ERBB4: variants seen among roughly 807,000 people sequenced by gnomAD.
The protein encoded by ERBB4 is erb-b2 receptor tyrosine kinase 4.
In ERBB4, 42 loss-of-function variants were observed where a neutral mutation model predicts 158.0. The observed-to-expected ratio is 0.27, with a 90% CI of 0.21 to 0.34. The LOEUF is 0.34. Among genes scored for constraint, ERBB4 ranks in the 10% least tolerant of loss-of-function variants. The probability of loss-of-function intolerance (pLI) is 1.00; values close to 1 mark genes in which losing one functional copy is unlikely to be tolerated. For synonymous variants in ERBB4, 583 were observed against 558.7 expected, an observed-to-expected ratio of 1.04 and a Z score of -0.61; for missense variants, 1,333 against 1,624.1, an observed-to-expected ratio of 0.82 and a Z score of 3.08.
intron 1 of ERBB4, among the ~76,000 whole-genome samples, chr2:212,333,693 CA>C (rs11312810): frequency 0.65 from 96,402 of 147,376 alleles, 31,869 homozygotes; most frequent in East Asian, 0.79. Context: ...GATTCTGTAC[CA>C]AAAAAAAAAA....
chr2:212,354,816 A>G (rs2089404518), intron 1 of ERBB4, among the ~76,000 whole-genome samples: 1 of 152,122 alleles, frequency 6.6e-6, no homozygotes, highest in Non-Finnish European at 1.5e-5. Flanking sequence ...GCTTTTACCA[A>G]CTTAAGTTGG....
chr2:211,629,253 C>G (rs1329908379), intron 17 of ERBB4, among the ~76,000 whole-genome samples: 2 of 152,094 alleles, frequency 1.3e-5, no homozygotes, highest in African/African-American at 4.8e-5. Flanking sequence ...ACACCAATAA[C>G]AGACAAACAG....
At chr2:212,014,660 T>C (rs993203698) in intron 2 of ERBB4, among the ~76,000 whole-genome samples, 1 of 152,142 alleles carries the variant, frequency 6.6e-6, no homozygotes, top group African/African-American at 2.4e-5. Context: ...ATTGCTTTAT[T>C]TGAACATGGA....
intron 1 of ERBB4, among the ~76,000 whole-genome samples, chr2:212,271,660 A>G (rs2085348270): frequency 6.6e-6 from 1 of 151,822 alleles, no homozygotes; most frequent in Non-Finnish European, 1.5e-5. Flanking sequence ...TGTTCCGAAC[A>G]GCAAGTAGAA....
intron 1 of ERBB4, among the ~76,000 whole-genome samples, chr2:212,273,740 A>G (rs919912807): frequency 3.3e-5 from 5 of 151,804 alleles, no homozygotes; most frequent in Admixed American, 6.6e-5. Flanking sequence ...CTTCACATAT[A>G]TGTTGCTGAT....
At chr2:211,571,128 C>T (rs1302586977) in intron 19 of ERBB4, among the ~76,000 whole-genome samples, 6 of 149,212 alleles carry the variant, frequency 4.0e-5, no homozygotes, top group Non-Finnish European at 7.4e-5. Flanking sequence ...TTGCAACCTC[C>T]GCCTCCCGTG....
At chr2:212,155,506 G>A (rs1391440904) in intron 1 of ERBB4, among the ~76,000 whole-genome samples, 1 of 152,062 alleles carries the variant, frequency 6.6e-6, no homozygotes, top group Non-Finnish European at 1.5e-5. Context: ...CAGACCTTCT[G>A]AGTCAGCATC....
chr2:211,675,113 C>A lies in ERBB4; in HGVS notation c.1623-1856G>T, dbSNP rs865908500. Among the ~76,000 whole-genome samples, 10 of 152,222 alleles carry A rather than the reference C, an allele frequency of 6.6e-5. No homozygotes were observed. In the Middle Eastern group the frequency reaches 0.024, roughly 362 times the overall value. ...TTCTCCATAATTTCTCTTTTTCTTT[C>A]CTGTCCTCTAGTGATTCTATTGTGA... is the stretch of plus-strand genomic sequence containing the variant. On this transcript the variant is annotated intron_variant, in intron 13 of 27. Transcript: ENST00000342788.
rs144974424 is a variant in ERBB4 at position 212,369,186 on chromosome 2, A to C, written c.82+169263T>G. ...ATTAAAAGGAGGAAAAGTTCATAAA[A>C]AGAGATTAATTTATTGATAAATTGC... On this transcript the variant is annotated intron_variant, in intron 1 of 27. Transcript: ENST00000342788. Among the ~76,000 whole-genome samples, 52 of 152,324 alleles carry C rather than the reference A, an allele frequency of 3.4e-4. 1 individual carries two copies. In the East Asian group the frequency reaches 9.3e-3, roughly 27 times the overall value.
chr2:211,981,007 T>C (rs1163725335), intron 2 of ERBB4, among the ~76,000 whole-genome samples: 3 of 150,560 alleles, frequency 2.0e-5, no homozygotes, highest in Non-Finnish European at 4.4e-5. Context: ...TATTATAATT[T>C]CTCTTCAATC....
At chr2:212,228,549 T>C (rs540790532) in intron 1 of ERBB4, among the ~76,000 whole-genome samples, 1 of 152,292 alleles carries the variant, frequency 6.6e-6, no homozygotes, top group Admixed American at 6.5e-5. Context: ...GACTATTGTA[T>C]TCATAGCACT....
chr2:212,216,516 C>T (rs928687531), intron 1 of ERBB4, among the ~76,000 whole-genome samples: 2 of 151,114 alleles, frequency 1.3e-5, no homozygotes, highest in Non-Finnish European at 3.0e-5. Flanking sequence ...TGTCAAAAAT[C>T]AATTAATGTA....
chr2:211,450,050 G>A (rs144312789), intron 20 of ERBB4, among the ~76,000 whole-genome samples: 32 of 152,304 alleles, frequency 2.1e-4, no homozygotes, highest in African/African-American at 7.5e-4. Flanking sequence ...GAGGCACAGA[G>A]ATGTTAAGTG....
chr2:211,794,823 TCTAA>T (rs1047018769), intron 3 of ERBB4, among the ~76,000 whole-genome samples: 5 of 151,858 alleles, frequency 3.3e-5, no homozygotes, highest in African/African-American at 9.7e-5. Context: ...TGTGTCAACG[TCTAA>T]CTTTTTTCTA....
chr2:211,521,960 T>G (rs1352455714), intron 20 of ERBB4, among the ~76,000 whole-genome samples: 1 of 152,146 alleles, frequency 6.6e-6, no homozygotes, highest in African/African-American at 2.4e-5. Context: ...TGACAATACA[T>G]CTAGTCATCC....
chr2:211,903,514 A>G (rs975189420), intron 3 of ERBB4, among the ~76,000 whole-genome samples: 1 of 152,068 alleles, frequency 6.6e-6, no homozygotes. Flanking sequence ...TTTAAATTCA[A>G]TGTATTTCTC....
At chr2:211,683,159 T>C (rs1440505593) in intron 12 of ERBB4, among the ~76,000 whole-genome samples, 1 of 152,006 alleles carries the variant, frequency 6.6e-6, no homozygotes, top group African/African-American at 2.4e-5. Flanking sequence ...TAAGTAATGA[T>C]ACAGAGAGAT....
At chr2:212,381,059 C>G (rs930069147) in intron 1 of ERBB4, among the ~76,000 whole-genome samples, 13 of 151,266 alleles carry the variant, frequency 8.6e-5, no homozygotes, top group African/African-American at 3.1e-4. Context: ...CGAAAAAAGT[C>G]ATAGTTAAAT....
intron 1 of ERBB4, among the ~76,000 whole-genome samples, chr2:212,182,888 T>TA (rs923067570): frequency 6.6e-6 from 1 of 151,058 alleles, no homozygotes; most frequent in Non-Finnish European, 1.5e-5. Context: ...GGTTTTTTTT[T>TA]ATTGATTTTT....
Sources: gnomAD v4.1 joint callset for allele counts (sites outside exome capture counted in the v4.1 genomes callset) on GRCh38, gnomAD v4.1.1 for gene constraint, MANE v1.5 for transcripts, NCBI Gene and HGNC (gene_info 2026-07-23, HGNC 2026-07-21) for gene names.